CELF2: variants seen among roughly 807,000 people sequenced by gnomAD.
CELF2 encodes CUGBP Elav-like family member 2.
A neutral mutation model predicts 62.6 loss-of-function variants in CELF2; 8 were observed. The observed-to-expected ratio is 0.13, with a 90% CI of 0.07 to 0.23. The LOEUF (loss-of-function observed/expected upper bound fraction) is 0.23. CELF2 is among the 10% of genes least tolerant of loss of function. The pLI, the probability that CELF2 is intolerant of heterozygous loss-of-function variation, is 1.00. For missense variants in CELF2, 333 were observed against 671.0 expected (o/e 0.50, Z 5.56); for synonymous variants, 258 against 250.0 (o/e 1.03, Z -0.30).
chr10:11,240,593 G>C (rs1487627705), intron 3 of CELF2, among the ~76,000 whole-genome samples: 1 of 147,998 alleles, frequency 6.8e-6, no homozygotes, highest in East Asian at 2.1e-4. Context: ...ACACTTCCCT[G>C]GCCTGACTCT....
At chr10:10,573,472 T>C in the CELF2 span, among the ~76,000 whole-genome samples, 1 of 152,160 alleles carries the variant, frequency 6.6e-6, no homozygotes, top group South Asian at 2.1e-4. Flanking sequence ...AATTCCGTTG[T>C]GTGTCCAAGG....
chr10:10,926,566 T>C (rs1213598325), intron 2 of CELF2, among the ~76,000 whole-genome samples: 1 of 152,184 alleles, frequency 6.6e-6, no homozygotes, highest in Admixed American at 6.5e-5. Flanking sequence ...GTCTGCCATC[T>C]TCATCATGTT....
At chr10:10,537,238 A>T in the CELF2 span, among the ~76,000 whole-genome samples, 2 of 152,170 alleles carry the variant, frequency 1.3e-5, no homozygotes, top group Non-Finnish European at 2.9e-5. Flanking sequence ...GCAAAGATAG[A>T]AACCAGCCCC....
At chr10:10,709,909 C>T in the CELF2 span, among the ~76,000 whole-genome samples, 3 of 152,186 alleles carry the variant, frequency 2.0e-5, no homozygotes, top group Non-Finnish European at 2.9e-5. Context: ...CCTAACTCTC[C>T]CCACGAAGTA....
intron 8 of CELF2, among the ~76,000 whole-genome samples, chr10:11,275,412 G>A (rs1345865608): frequency 6.6e-6 from 1 of 152,172 alleles, no homozygotes; most frequent in East Asian, 1.9e-4. Context: ...CTAGTCATTT[G>A]TTGTTTTTAT....
At position 10,947,422 on chromosome 10, in the gene CELF2, A is replaced by G. The variant is rs930650836; in HGVS notation, c.89+27423A>G. On this transcript the variant is annotated intron_variant, in intron 2 of 13. Coordinates refer to the CELF2 transcript ENST00000636488. The surrounding 1 kb of genome is among the most constrained non-coding windows in gnomAD (Gnocchi z 4.1). ...GAACAGCTCTTTTGCCTTACAAGGCATAGCCAGATTGCCAAGTAATTACCT... is the reference window on the plus strand; with the variant it reads ...GAACAGCTCTTTTGCCTTACAAGGCGTAGCCAGATTGCCAAGTAATTACCT... The G allele has an allele frequency of 6.5e-6, 1 of 152,692 alleles. No homozygotes were observed. The highest frequency in any genetic ancestry group is 2.1e-4 in the South Asian group (1 of 4,838). 9.5% of individuals were successfully genotyped at this position (152,692 alleles called of 1,614,324 possible). A position where few individuals can be genotyped will look rare whatever the true frequency, so the allele number is the denominator to read the frequency against.
rs555527982 is a variant in CELF2 at position 11,309,066 on chromosome 10, A to G, written c.977-5073A>G. On this transcript the variant is annotated intron_variant, in intron 9 of 12. Coordinates refer to ENST00000633077, the MANE Select transcript of CELF2 (RefSeq NM_001326342.2). This position sits in a 1 kb window ranked among gnomAD's most constrained non-coding sequence, Gnocchi z 5.6. ...TTTAGGCATGATTTTTTAGATTGTT[A>G]TCATATTTATAATAGCTGCTTTCAT... 2.6e-5 allele frequency among the ~76,000 whole-genome samples: 4 copies of G among 152,252 alleles called. No individual in the cohort carries two copies. The highest frequency in any genetic ancestry group is 4.8e-5 in the African/African-American group (2 of 41,536).
chr10:11,246,820 T>C lies in CELF2; in HGVS notation c.355-2333T>C, dbSNP rs1373045164. 2.0e-5 allele frequency among the ~76,000 whole-genome samples: 3 copies of C among 152,238 alleles called. No individual in the cohort carries two copies. The highest frequency in any genetic ancestry group is 2.1e-4 in the South Asian group (1 of 4,834). On this transcript the variant is annotated intron_variant, in intron 3 of 12. Transcript: ENST00000633077. The surrounding 1 kb of genome is among the most constrained non-coding windows in gnomAD (Gnocchi z 4.6). ...GGCTTCACTGTCACGCTAAGGAACA[T>C]TCTCTGTGGCCCTGGCCCGTCTCTC...
At chr10:10,558,298 G>GT in the CELF2 span, among the ~76,000 whole-genome samples, 1 of 151,838 alleles carries the variant, frequency 6.6e-6, no homozygotes, top group Non-Finnish European at 1.5e-5. Flanking sequence ...ATAATCATGT[G>GT]TTTTTTGTCT....
upstream of CELF2, among the ~76,000 whole-genome samples, chr10:11,001,923 G>A (rs112045120): frequency 1.1e-4 from 17 of 152,156 alleles, no homozygotes; most frequent in East Asian, 1.9e-4. Flanking sequence ...GGCTCAACTC[G>A]ACCTTCATTT....
intron 1 of CELF2, among the ~76,000 whole-genome samples, chr10:10,847,553 G>A (rs549007791): frequency 1.3e-5 from 2 of 152,304 alleles, no homozygotes; most frequent in East Asian, 3.9e-4. Context: ...TAACAATTCA[G>A]ATTCATGTCC....
At chr10:11,103,200 C>G (rs1202492736) in intron 1 of CELF2, among the ~76,000 whole-genome samples, 3 of 152,110 alleles carry the variant, frequency 2.0e-5, no homozygotes, top group Non-Finnish European at 4.4e-5. Flanking sequence ...CGAAAAAAAT[C>G]CACGCTTTGC....
At chr10:10,523,245 T>G in the CELF2 span, among the ~76,000 whole-genome samples, 2 of 152,342 alleles carry the variant, frequency 1.3e-5, no homozygotes, top group African/African-American at 4.8e-5. Context: ...CGAGGTTTAA[T>G]GTAAGTTAGG....
the CELF2 span, among the ~76,000 whole-genome samples, chr10:10,617,567 C>T: frequency 6.6e-6 from 1 of 152,128 alleles, no homozygotes; most frequent in Non-Finnish European, 1.5e-5. Flanking sequence ...TACATCATCA[C>T]TCCCCTGCTT....
intron 1 of CELF2, among the ~76,000 whole-genome samples, chr10:11,089,610 T>A (rs886201462): frequency 6.6e-6 from 1 of 152,068 alleles, no homozygotes; most frequent in Non-Finnish European, 1.5e-5. Context: ...CAGTGGCTGG[T>A]GGAAGCAGAA....
At chr10:10,627,046 G>A in the CELF2 span, among the ~76,000 whole-genome samples, 3 of 151,944 alleles carry the variant, frequency 2.0e-5, no homozygotes, top group South Asian at 2.1e-4. Context: ...CTGCTGTAAC[G>A]AAAGAAGAAA....
At chr10:10,610,002 C>A in the CELF2 span, among the ~76,000 whole-genome samples, 1 of 152,104 alleles carries the variant, frequency 6.6e-6, no homozygotes, top group Admixed American at 6.5e-5. Context: ...ATTTCTGAGG[C>A]CCATTCTAAA....
the CELF2 span, among the ~76,000 whole-genome samples, chr10:10,512,273 G>C: frequency 2.0e-5 from 3 of 152,118 alleles, no homozygotes; most frequent in Non-Finnish European, 2.9e-5. Context: ...ACAGGATTTG[G>C]AAGGCATGGC....
the CELF2 span, among the ~76,000 whole-genome samples, chr10:10,584,359 A>G: frequency 1.6e-4 from 25 of 152,326 alleles, no homozygotes; most frequent in African/African-American, 6.0e-4. Context: ...AGTGAGGTAC[A>G]GAACTGCTGG....
Sources: allele counts gnomAD v4.1 joint callset (sites outside exome capture counted in the v4.1 genomes callset), GRCh38; gene constraint gnomAD v4.1.1; non-coding constraint Gnocchi (gnomAD v3.1); transcripts MANE v1.5; gene names NCBI Gene and HGNC (gene_info 2026-07-23, HGNC 2026-07-21).